The following CNTNAP2 variants were observed in gnomAD, a reference collection of about 807,000 sequenced individuals.
CNTNAP2 encodes the protein contactin associated protein 2, also known as contactin-associated protein-like 2.
CNTNAP2 carries 98 observed loss-of-function variants against 155.2 expected under a neutral mutation model. The observed-to-expected ratio is 0.63, with a 90% CI of 0.54 to 0.75. The LOEUF is 0.75. Ranked by LOEUF, CNTNAP2 falls within the 30% of genes least tolerant of loss-of-function variation. The pLI is 0.00. For missense variants in CNTNAP2, 1,727 were observed against 1,688.1 expected (o/e 1.02, Z -0.40); for synonymous variants, 651 against 631.2 (o/e 1.03, Z -0.47).
At chr7:146,758,209 T>A (rs1802025557) in intron 1 of CNTNAP2, among the ~76,000 whole-genome samples, 1 of 152,230 alleles carries the variant, frequency 6.6e-6, no homozygotes, top group Non-Finnish European at 1.5e-5. Context: ...TCAAACTGAC[T>A]TTTTGTAGCC....
At chr7:147,263,295 A>C (rs1317615753) in intron 8 of CNTNAP2, among the ~76,000 whole-genome samples, 3 of 151,908 alleles carry the variant, frequency 2.0e-5, no homozygotes, top group Non-Finnish European at 4.4e-5. Context: ...CGGGAAGCAG[A>C]GGTTGCAGTG....
At chr7:146,701,952 A>C (rs1800885273) in intron 1 of CNTNAP2, among the ~76,000 whole-genome samples, 1 of 152,188 alleles carries the variant, frequency 6.6e-6, no homozygotes, top group Non-Finnish European at 1.5e-5. Context: ...AAACAAAAGG[A>C]AGTTACAACA....
intron 1 of CNTNAP2, among the ~76,000 whole-genome samples, chr7:146,357,780 C>T (rs1795020774): frequency 6.6e-6 from 1 of 151,828 alleles, no homozygotes; most frequent in Non-Finnish European, 1.5e-5. Flanking sequence ...CCCCCCATTA[C>T]CTATATGTAA....
intron 1 of CNTNAP2, among the ~76,000 whole-genome samples, chr7:146,610,366 T>G (rs1256360879): frequency 1.3e-5 from 2 of 152,152 alleles, no homozygotes; most frequent in African/African-American, 4.8e-5. Context: ...ATTTGACAGG[T>G]AAGGAGAACC....
intron 10 of CNTNAP2, among the ~76,000 whole-genome samples, chr7:147,453,470 T>C (rs916073947): frequency 6.6e-6 from 1 of 152,200 alleles, no homozygotes; most frequent in African/African-American, 2.4e-5. Flanking sequence ...GCACTTTGTA[T>C]TCCTAGATTC....
chr7:148,162,727 G>A (rs1488266293), intron 17 of CNTNAP2, among the ~76,000 whole-genome samples: 1 of 152,182 alleles, frequency 6.6e-6, no homozygotes, highest in Non-Finnish European at 1.5e-5. Flanking sequence ...CAGGTGCAGG[G>A]GCTCACACCT....
intron 1 of CNTNAP2, among the ~76,000 whole-genome samples, chr7:146,749,599 A>T (rs1176692879): frequency 6.6e-6 from 1 of 152,230 alleles, no homozygotes; most frequent in Admixed American, 6.5e-5. Context: ...AAATGTCACT[A>T]TGTTTTACAA....
chr7:148,278,377 TAACATGGCGAA>T lies in CNTNAP2; in HGVS notation c.3475+11253_3475+11263del, dbSNP rs1796913920. Among the ~76,000 whole-genome samples the T allele has an allele frequency of 2.0e-5, 3 of 151,866 alleles. No homozygotes were observed. In the East Asian group the frequency reaches 5.8e-4, roughly 29 times the overall value. On this transcript the variant is annotated intron_variant, in intron 21 of 23. Transcript: ENST00000361727. ...GTCAGGAGATTGTGACCATCCTGGC[TAACATGGCGAA>T]ACCCTGTCGCTACTAAAAAATACAA...
intron 4 of CNTNAP2, 89 bp from the exon 5 acceptor site, chr7:147,108,058 A>T: frequency 8.7e-7 from 1 of 1,154,616 alleles, no homozygotes; most frequent in Non-Finnish European, 1.3e-6. Flanking sequence ...ACACTTACTT[A>T]ATTCTCATTT....
intron 21 of CNTNAP2, among the ~76,000 whole-genome samples, chr7:148,304,006 G>A (rs1017116326): frequency 6.6e-5 from 10 of 152,150 alleles, no homozygotes; most frequent in African/African-American, 2.4e-4. Context: ...TTGAAGTTGT[G>A]GATTGCCTGG....
chr7:146,917,256 T>C (rs1248918521), intron 3 of CNTNAP2, among the ~76,000 whole-genome samples: 1 of 152,088 alleles, frequency 6.6e-6, no homozygotes, highest in Non-Finnish European at 1.5e-5. Context: ...GAATGTTCCA[T>C]GAGCTGATAA....
At chr7:147,353,128 T>C (rs928025242) in intron 9 of CNTNAP2, among the ~76,000 whole-genome samples, 1 of 151,682 alleles carries the variant, frequency 6.6e-6, no homozygotes, top group African/African-American at 2.4e-5. Context: ...TATATATACA[T>C]ACATATACGT....
intron 2 of CNTNAP2, among the ~76,000 whole-genome samples, chr7:146,783,251 A>G (rs577087278): frequency 1.3e-5 from 2 of 152,288 alleles, no homozygotes; most frequent in Admixed American, 6.5e-5. Flanking sequence ...ATTGTTCTGG[A>G]CATTAGGGCG....
At chr7:147,256,007 C>G (rs747147108) in intron 8 of CNTNAP2, among the ~76,000 whole-genome samples, 1 of 152,162 alleles carries the variant, frequency 6.6e-6, no homozygotes, top group African/African-American at 2.4e-5. Flanking sequence ...TCCTGAAGTG[C>G]TGGGATTACA....
chr7:148,283,450 C>T (rs1797025876), intron 21 of CNTNAP2, among the ~76,000 whole-genome samples: 1 of 152,094 alleles, frequency 6.6e-6, no homozygotes, highest in South Asian at 2.1e-4. Context: ...AATTCACCTA[C>T]TCTCTAAAAT....
At chr7:146,828,974 T>C (rs1363407633) in intron 2 of CNTNAP2, among the ~76,000 whole-genome samples, 3 of 152,088 alleles carry the variant, frequency 2.0e-5, no homozygotes, top group Non-Finnish European at 4.4e-5. Context: ...GTTTCACCAC[T>C]ATCTAGGCTT....
chr7:146,120,130 A>G (rs1287250978), intron 1 of CNTNAP2, among the ~76,000 whole-genome samples: 1 of 151,910 alleles, frequency 6.6e-6, no homozygotes, highest in Non-Finnish European at 1.5e-5. Context: ...ATATTAGTCT[A>G]TTTTCTCTTC....
Position 146,116,868 on chromosome 7 carries a change from A to G in CNTNAP2, c.-9A>G, listed in dbSNP as rs1797490642. ...AGCTCTTGGAGCGCCGCCGGCCGGG[A>G]GGCGAAGGATGCAGGCGGCTCCGCG... On this transcript the variant is annotated 5_prime_UTR_variant, in exon 1 of 24. Coordinates refer to ENST00000361727, the MANE Select transcript of CNTNAP2 (RefSeq NM_014141.6). The surrounding 1 kb of genome is among the most constrained non-coding windows in gnomAD (Gnocchi z 5.5). 6.5e-7 allele frequency: 1 copy of G among 1,540,316 alleles called. No homozygotes were observed. Among genetic ancestry groups the G allele is most frequent in the Non-Finnish European group, 8.8e-7 (1 of 1,140,394 alleles).
chr7:147,993,986 C>G (rs1026567252), intron 15 of CNTNAP2, among the ~76,000 whole-genome samples: 1 of 152,084 alleles, frequency 6.6e-6, no homozygotes, highest in African/African-American at 2.4e-5. Flanking sequence ...TGCTTTCACA[C>G]AGATTTGCCC....
Sources: gnomAD v4.1 joint callset for allele counts (sites outside exome capture counted in the v4.1 genomes callset) on GRCh38, gnomAD v4.1.1 for gene constraint, Gnocchi (gnomAD v3.1) non-coding constraint, MANE v1.5 for transcripts, NCBI Gene and HGNC (gene_info 2026-07-23, HGNC 2026-07-21) for gene names.